The following SEMA3A variants were observed in gnomAD, a reference collection of about 807,000 sequenced individuals.
SEMA3A encodes semaphorin-3A.
A neutral mutation model predicts 97.9 loss-of-function variants in SEMA3A; 29 were observed. The ratio of observed to expected loss-of-function variants is 0.30; its 90% CI spans 0.22 to 0.40. The LOEUF (loss-of-function observed/expected upper bound fraction) is 0.40. SEMA3A is among the 10% of genes least tolerant of loss of function. The pLI is 1.00. For missense variants in SEMA3A, 763 were observed against 951.3 expected (o/e 0.80, Z 2.60); for synonymous variants, 321 against 323.7 (o/e 0.99, Z 0.09).
intron 7 of SEMA3A, among the ~76,000 whole-genome samples, chr7:84,013,439 G>C (rs1790965962): frequency 6.6e-6 from 1 of 152,100 alleles, no homozygotes; most frequent in Non-Finnish European, 1.5e-5. Context: ...TTTTGTGTGG[G>C]TGTTTGTGTG....
At chr7:84,097,628 A>G (rs980713206) in intron 4 of SEMA3A, among the ~76,000 whole-genome samples, 9 of 152,258 alleles carry the variant, frequency 5.9e-5, no homozygotes, top group Admixed American at 4.6e-4. Flanking sequence ...AAGATAAAAT[A>G]AAAATGGAAA....
At chr7:83,978,155 T>C (rs1009993125) in intron 14 of SEMA3A, among the ~76,000 whole-genome samples, 2 of 152,102 alleles carry the variant, frequency 1.3e-5, no homozygotes, top group Non-Finnish European at 2.9e-5. Context: ...ATGGCTATGA[T>C]TGCAAACCAA....
intron 1 of SEMA3A, among the ~76,000 whole-genome samples, chr7:84,181,317 CAA>C (rs1797729647): frequency 9.9e-6 from 1 of 101,450 alleles, no homozygotes; most frequent in African/African-American, 3.3e-5. Context: ...TATAATGTTA[CAA>C]ATATATATAT....
intron 3 of SEMA3A, among the ~76,000 whole-genome samples, chr7:84,201,128 G>A (rs1798345517): frequency 1.3e-5 from 2 of 152,142 alleles, no homozygotes; most frequent in African/African-American, 2.4e-5. Context: ...TCTGACTCAC[G>A]CAAAGCAGAT....
intron 5 of SEMA3A, among the ~76,000 whole-genome samples, chr7:84,057,453 G>C (rs1441539064): frequency 6.6e-6 from 1 of 152,054 alleles, no homozygotes; most frequent in East Asian, 1.9e-4. Flanking sequence ...AAATTTGCAG[G>C]TGGATGAAAT....
At chr7:84,249,368 C>CTATCTATCT (rs141713074) in intron 3 of SEMA3A, among the ~76,000 whole-genome samples, 7 of 143,140 alleles carry the variant, frequency 4.9e-5, no homozygotes, top group African/African-American at 1.0e-4. Flanking sequence ...CTCTGTCTAT[C>CTATCTATCT]ATCTATCTAT....
At chr7:84,091,605 C>T (rs74881656) in intron 4 of SEMA3A, among the ~76,000 whole-genome samples, 6,334 of 152,186 alleles carry the variant, frequency 0.042, 162 homozygotes, top group Middle Eastern at 0.065. Flanking sequence ...CACAGTATTC[C>T]TTTGAGGTAA....
chr7:83,979,542 T>C (rs1789308169), intron 14 of SEMA3A, among the ~76,000 whole-genome samples: 1 of 152,210 alleles, frequency 6.6e-6, no homozygotes, highest in South Asian at 2.1e-4. Flanking sequence ...GACTGCATAT[T>C]GCTATTCCTT....
chr7:84,433,411 C>CT lies in SEMA3A; in HGVS notation c.-246+59048dup, dbSNP rs200258609. On this transcript the variant is annotated intron_variant, in intron 1 of 3. Transcript: ENST00000424555. ...TCCCTGCAAAAGACATGAACTCATC[C>CT]TTTTTTCTGGCTGCTTAGTATTCCA... Among the ~76,000 whole-genome samples the CT allele has an allele frequency of 2.5e-3, 387 of 151,990 alleles. 3 individuals carry two copies. In the East Asian group the frequency reaches 0.03, roughly 12 times the overall value.
chr7:84,471,391 A>G (rs533272541), intron 1 of SEMA3A, among the ~76,000 whole-genome samples: 1 of 152,164 alleles, frequency 6.6e-6, no homozygotes, highest in South Asian at 2.1e-4. Flanking sequence ...AAAAGGACGT[A>G]AGGACATCCC....
At chr7:84,250,154 T>A (rs531256648) in intron 3 of SEMA3A, among the ~76,000 whole-genome samples, 1 of 152,102 alleles carries the variant, frequency 6.6e-6, no homozygotes, top group East Asian at 1.9e-4. Flanking sequence ...TTTTGAAAAA[T>A]TAATGTATAG....
chr7:84,090,057 T>C (rs1794514584), intron 4 of SEMA3A, among the ~76,000 whole-genome samples: 1 of 152,042 alleles, frequency 6.6e-6, no homozygotes, highest in South Asian at 2.1e-4. Context: ...CTCATGAAAA[T>C]TTTAAAGATT....
intron 4 of SEMA3A, among the ~76,000 whole-genome samples, chr7:84,103,702 G>C (rs1795023968): frequency 6.6e-6 from 1 of 151,860 alleles, no homozygotes; most frequent in Admixed American, 6.6e-5. Context: ...TTAAAATGAA[G>C]TTATTTACAC....
intron 3 of SEMA3A, among the ~76,000 whole-genome samples, chr7:84,270,126 A>G (rs1800105900): frequency 6.6e-6 from 1 of 152,080 alleles, no homozygotes. Context: ...AATTTTCTCA[A>G]ATGATTTACC....
chr7:84,127,147 A>G (rs1300379204), intron 3 of SEMA3A, among the ~76,000 whole-genome samples: 1 of 151,966 alleles, frequency 6.6e-6, no homozygotes, highest in Non-Finnish European at 1.5e-5. Context: ...CTCTCTTCAC[A>G]AGAAGGCCCT....
intron 3 of SEMA3A, among the ~76,000 whole-genome samples, chr7:84,231,050 T>C (rs1235801677): frequency 6.6e-6 from 1 of 151,944 alleles, no homozygotes; most frequent in Admixed American, 6.6e-5. Flanking sequence ...AATATCCTTG[T>C]TATACTTCAA....
At chr7:83,973,761 G>T (rs1789012694) in intron 15 of SEMA3A, among the ~76,000 whole-genome samples, 1 of 152,124 alleles carries the variant, frequency 6.6e-6, no homozygotes, top group Non-Finnish European at 1.5e-5. Context: ...TGAGGTGCCA[G>T]GAAGGTAATG....
chr7:84,344,011 GA>G (rs879466942), intron 2 of SEMA3A, among the ~76,000 whole-genome samples: 117 of 140,326 alleles, frequency 8.3e-4, no homozygotes, highest in South Asian at 2.5e-3. Context: ...TTGTTTCGGG[GA>G]AAAAAAAAAA....
chr7:84,000,531 A>C (rs1790398202), intron 12 of SEMA3A, among the ~76,000 whole-genome samples: 1 of 152,142 alleles, frequency 6.6e-6, no homozygotes, highest in Non-Finnish European at 1.5e-5. Flanking sequence ...AGTACTCGTT[A>C]CTGTCTTTGA....
Sources: gnomAD v4.1 joint callset for allele counts (sites outside exome capture counted in the v4.1 genomes callset) on GRCh38, gnomAD v4.1.1 for gene constraint, MANE v1.5 for transcripts, NCBI Gene and HGNC (gene_info 2026-07-23, HGNC 2026-07-21) for gene names.